VN1R1: variants seen among roughly 807,000 people sequenced by gnomAD.
The protein encoded by VN1R1 is vomeronasal 1 receptor 1.
For missense variants in VN1R1, 391 were observed against 410.3 expected (o/e 0.95, Z 0.41); for synonymous variants, 168 against 149.8 (o/e 1.12, Z -0.89).
rs2089127847 is a variant in VN1R1 at position 57,455,761 on chromosome 19, C to A, written c.726G>T (p.Met242Ile). 2 of 1,613,770 alleles carry A rather than the reference C, an allele frequency of 1.2e-6. No individual in the cohort carries two copies. The highest frequency in any genetic ancestry group is 3.3e-5 in the Admixed American group (2 of 59,986). Residue 242 changes from methionine (M) to isoleucine (I), a missense_variant, in exon 1 of 1, where the codon ATG (methionine) becomes ATT (isoleucine). Coordinates refer to ENST00000321039, the MANE Select transcript of VN1R1 (RefSeq NM_020633.4). ...GCTTGTGTCTGTAGAGGAAGAAGAC[C>A]ATGGAGCCACTGGCCCAGACCATGA... ...LGFMVWASGS[M>I]VFFLYRHKQQ...
Position 57,455,241 on chromosome 19 carries a change from TATA to T in VN1R1, c.*181_*183del, listed in dbSNP as rs2089123860. The T allele has an allele frequency of 1.6e-6, 1 of 611,434 alleles. No homozygotes were observed. The highest frequency in any genetic ancestry group is 3.1e-5 in the Admixed American group (1 of 32,670). The allele number at this position is 611,434 out of a possible 1,614,324, so 37.9% of individuals were successfully genotyped here. A position where few individuals can be genotyped will look rare whatever the true frequency, so the allele number is the denominator to read the frequency against. ...ACTTGTCTGAAGGACTTAACACAGT[TATA>T]TAGAGTGTTCTTTGTGTAACAGTAT... On this transcript the variant is annotated 3_prime_UTR_variant, in exon 1 of 1. Transcript: ENST00000321039.
In VN1R1 at chr19:57,456,164, G is replaced by A; in HGVS notation, c.323C>T (p.Ala108Val). The change falls in exon 1 of 1, where the codon GCA (alanine) becomes GTA (valine). Residue 108 changes from alanine to valine, a missense_variant. Coordinates refer to ENST00000321039, the MANE Select transcript of VN1R1 (RefSeq NM_020633.4). ...LFFKGIPQTM[A>V]AFGLKYLLND... Reference sequence around the variant, plus strand: ...CAGCAAATATTTCAATCCAAAAGCTGCCATTGTCTGAGGTATCCCTTTAAA... The same window carrying A: ...CAGCAAATATTTCAATCCAAAAGCTACCATTGTCTGAGGTATCCCTTTAAA... The A allele has an allele frequency of 1.2e-6, 2 of 1,614,196 alleles. No individual in the cohort carries two copies. The highest frequency in any genetic ancestry group is 1.7e-6 in the Non-Finnish European group (2 of 1,180,036).
In VN1R1 at chr19:57,455,887, A is replaced by G. The variant is rs147504105; in HGVS notation, c.600T>C (p.Ser200=). Residue 200 remains serine, a synonymous_variant, in exon 1 of 1, where the codon AGT becomes AGC. Coordinates refer to ENST00000321039, the MANE Select transcript of VN1R1 (RefSeq NM_020633.4). ...VNGPLNSKNS[S]AKNNYGYCSY... Reference sequence around the variant, plus strand: ...AACAGTATCCATAATTGTTTTTTGCACTACTGTTTTTGCTATTCAGTGGGC... The same window carrying G: ...AACAGTATCCATAATTGTTTTTTGCGCTACTGTTTTTGCTATTCAGTGGGC... 5.6e-6 allele frequency: 9 copies of G among 1,614,084 alleles called. No individual in the cohort carries two copies. Among genetic ancestry groups the G allele is most frequent in the Middle Eastern group, 1.6e-4 (1 of 6,084 alleles).
In VN1R1 at chr19:57,455,550, C is replaced by G; in HGVS notation, c.937G>C (p.Val313Leu). Residue 313 changes from valine to leucine, a missense_variant, in exon 1 of 1, where the codon GTC becomes CTC. Coordinates refer to ENST00000321039, the MANE Select transcript of VN1R1 (RefSeq NM_020633.4). ...GQWIVTNSVL[V>L]ASCFPARSPF... is the part of the protein sequence containing the mutation. ...CTGCGTGCTGGGAAACATGAGGCGA[C>G]CAACACAGAGTTGGTCACTATCCAC... 6.2e-7 allele frequency: 1 copy of G among 1,614,130 alleles called. No homozygotes were observed. The highest frequency in any genetic ancestry group is 8.5e-7 in the Non-Finnish European group (1 of 1,180,036).
At position 57,455,498 on chromosome 19, in the gene VN1R1, G is replaced by T. The variant is rs1014075344; in HGVS notation, c.989C>A (p.Thr330Asn). The change falls in exon 1 of 1, where the codon ACT becomes AAT. Residue 330 changes from threonine (T) to asparagine (N), a missense_variant. Thr to Asn is a moderately conservative substitution (Grantham distance 65). Transcript: ENST00000321039. ...GGCAAAACAGAACTGAGAGATATGA[G>T]TATCACTCATGATGAGGACAAAAGG... The part of the protein sequence containing the change: ...RSPFVLIMSD[T>N]HISQFCFACR... 2.5e-6 allele frequency: 4 copies of T among 1,613,764 alleles called. No individual in the cohort carries two copies. The highest frequency in any genetic ancestry group is 3.4e-6 in the Non-Finnish European group (4 of 1,179,836).
In VN1R1 at chr19:57,455,249, G is replaced by A. The variant is rs2089123876; in HGVS notation, c.*176C>T. 6 of 625,412 alleles carry A rather than the reference G, an allele frequency of 9.6e-6. No homozygotes were observed. In the Admixed American group the frequency reaches 1.2e-4, roughly 13 times the overall value. 38.7% of individuals were successfully genotyped at this position (625,412 alleles called of 1,614,324 possible). A position where few individuals can be genotyped will look rare whatever the true frequency, so the allele number is the denominator to read the frequency against. ...GAAGGACTTAACACAGTTATATAGA[G>A]TGTTCTTTGTGTAACAGTATCCATG... On this transcript the variant is annotated 3_prime_UTR_variant, in exon 1 of 1. Coordinates refer to ENST00000321039, the MANE Select transcript of VN1R1 (RefSeq NM_020633.4).
chr19:57,455,509 G>C lies in VN1R1; in HGVS notation c.978C>G (p.Ile326Met), dbSNP rs1442373958. The C allele has an allele frequency of 1.3e-5, 21 of 1,614,162 alleles. No individual in the cohort carries two copies. The highest frequency in any genetic ancestry group is 1.8e-5 in the Non-Finnish European group (21 of 1,180,022). The change falls in exon 1 of 1, where the codon ATC becomes ATG. Residue 326 changes from isoleucine to methionine, a missense_variant. Ile to Met is a conservative substitution (Grantham distance 10). Transcript: ENST00000321039. ...CFPARSPFVL[I>M]MSDTHISQFC... ...ACTGAGAGATATGAGTATCACTCAT[G>C]ATGAGGACAAAAGGGCTGCGTGCTG...
Position 57,455,690 on chromosome 19 carries a change from G to A in VN1R1, c.797C>T (p.Ser266Phe), listed in dbSNP as rs780624863. 6.2e-7 allele frequency: 1 copy of A among 1,614,180 alleles called. No homozygotes were observed. The highest frequency in any genetic ancestry group is 1.1e-5 in the South Asian group (1 of 91,082). ...NHSNRLSCRP[S>F]QEARATHTIM... ...GGTGTGTGTGGCTCTGGCTTCCTGG[G>A]AAGGTCTGCAGGAGAGTCTGTTGCT... The change falls in exon 1 of 1, where the codon TCC becomes TTC. Residue 266 changes from serine (S) to phenylalanine (F), a missense_variant. Transcript: ENST00000321039.
Position 57,456,775 on chromosome 19 carries a change from C to A in VN1R1, c.-289G>T. On this transcript the variant is annotated 5_prime_UTR_variant, in exon 1 of 1. Transcript: ENST00000321039. ...GGAACCCTGGGTAATATGGACAGGG[C>A]TTTTTCTGTATTATTTCTTATGACT... is the stretch of plus-strand genomic sequence containing the variant. The A allele has an allele frequency of 3.5e-6, 1 of 283,286 alleles. No individual in the cohort carries two copies. Among genetic ancestry groups the A allele is most frequent in the Non-Finnish European group, 6.5e-6 (1 of 153,412 alleles). The allele number at this position is 283,286 out of a possible 1,614,324, so 17.5% of individuals were successfully genotyped here. A position where few individuals can be genotyped will look rare whatever the true frequency, so the allele number is the denominator to read the frequency against.
chr19:57,456,264 A>T lies in VN1R1; in HGVS notation c.223T>A (p.Phe75Ile). ...GTGGGTCTCAGCTTGTGTCCAGTGA[A>T]CAAAATTAAGTTATAAAAACAAAGG... Reference protein sequence around the residue: ...FLLCFYNLILFTGHKLRPTDL... With the variant: ...FLLCFYNLILITGHKLRPTDL... The change falls in exon 1 of 1, where the codon TTC (phenylalanine) becomes ATC (isoleucine). Residue 75 changes from phenylalanine to isoleucine, a missense_variant. Phe to Ile is a conservative substitution (Grantham distance 21). Transcript: ENST00000321039. 1 of 1,613,714 alleles carries T rather than the reference A, an allele frequency of 6.2e-7. No individual in the cohort carries two copies. Among genetic ancestry groups the T allele is most frequent in the Non-Finnish European group, 8.5e-7 (1 of 1,179,934 alleles).
rs771078335 is a variant in VN1R1, at chr19:57,455,856, T to C, written c.631A>G (p.Lys211Glu). 1.9e-6 allele frequency: 3 copies of C among 1,614,226 alleles called. No individual in the cohort carries two copies. The highest frequency in any genetic ancestry group is 2.2e-5 in the South Asian group (2 of 91,086). ...AATGAGCTAAATCTCTTTGATGCTT[T>C]GTAAGAACAGTATCCATAATTGTTT... ...AKNNYGYCSY[K>E]ASKRFSSLHA... Residue 211 changes from lysine (K) to glutamate (E), a missense_variant, in exon 1 of 1, where the codon AAA becomes GAA. Transcript: ENST00000321039.
chr19:57,455,935 T>A lies in VN1R1; in HGVS notation c.552A>T (p.Ala184=), dbSNP rs1424641503. ...LCWAPHVLMN[A]SVLLLVNGPL... is the part of the protein sequence containing the mutation. The stretch of plus-strand genomic sequence containing the variant: ...GGCCATTCACTAATAGAAGAACAGA[T>A]GCATTCATCAAGACATGGGGGGCCC... Residue 184 remains alanine, a synonymous_variant, in exon 1 of 1, where the codon GCA becomes GCT. Coordinates refer to ENST00000321039, the MANE Select transcript of VN1R1 (RefSeq NM_020633.4). 3 of 1,614,114 alleles carry A rather than the reference T, an allele frequency of 1.9e-6. No individual in the cohort carries two copies. The highest frequency in any genetic ancestry group is 2.5e-6 in the Non-Finnish European group (3 of 1,180,050).
chr19:57,455,273 T>C lies in VN1R1; in HGVS notation c.*152A>G. 1.4e-6 allele frequency: 1 copy of C among 700,570 alleles called. No homozygotes were observed. The highest frequency in any genetic ancestry group is 2.3e-6 in the Non-Finnish European group (1 of 427,778). 43.4% of individuals were successfully genotyped at this position (700,570 alleles called of 1,614,324 possible). On this transcript the variant is annotated 3_prime_UTR_variant, in exon 1 of 1. Transcript: ENST00000321039. ...AGTGTTCTTTGTGTAACAGTATCCA[T>C]GACTTTCATTTTTAGCTCTGGTATT...
Position 57,456,802 on chromosome 19 carries a change from CTT to C in VN1R1, c.-318_-317del. On this transcript the variant is annotated 5_prime_UTR_variant, in exon 1 of 1. It introduces an in-frame stop codon into an upstream open reading frame of the 5' UTR. Transcript: ENST00000321039. Reference sequence around the variant, plus strand: ...TTTTCTGTATTATTTCTTATGACTGCTTGTGAGTCTACACTTATTTCAATAAA... The same window carrying C: ...TTTTCTGTATTATTTCTTATGACTGCGTGAGTCTACACTTATTTCAATAAA... 4.2e-6 allele frequency: 1 copy of C among 235,418 alleles called. No homozygotes were observed. Among genetic ancestry groups the C allele is most frequent in the South Asian group, 1.6e-4 (1 of 6,208 alleles). 14.6% of individuals were successfully genotyped at this position (235,418 alleles called of 1,614,324 possible).
rs2089124612 is a variant in VN1R1, at chr19:57,455,411, T to G, written c.*14A>C. The G allele has an allele frequency of 3.8e-6, 6 of 1,587,392 alleles. No homozygotes were observed. The highest frequency in any genetic ancestry group is 1.4e-5 in the African/African-American group (1 of 73,388). ...AGTTATGATAAATAGCTGAATTCCA[T>G]GAAGAGAAAAGACTCATGGCATGAC... On this transcript the variant is annotated 3_prime_UTR_variant, in exon 1 of 1. Coordinates refer to ENST00000321039, the MANE Select transcript of VN1R1 (RefSeq NM_020633.4).
In VN1R1 at chr19:57,456,396, C is replaced by T. The variant is rs2089132680; in HGVS notation, c.91G>A (p.Glu31Lys). 1 of 1,613,394 alleles carries T rather than the reference C, an allele frequency of 6.2e-7. No individual in the cohort carries two copies. Among genetic ancestry groups the T allele is most frequent in the Non-Finnish European group, 8.5e-7 (1 of 1,179,472 alleles). The change falls in exon 1 of 1, where the codon GAA becomes AAA. Residue 31 changes from glutamate (E) to lysine (K), a missense_variant. Physicochemically the swap from Glu to Lys is moderately conservative, Grantham distance 56. Coordinates refer to ENST00000321039, the MANE Select transcript of VN1R1 (RefSeq NM_020633.4). ...FYSTDSSDLN[E>K]NQHPLDFDEM... ...TCAAAATCTAGGGGATGTTGATTTT[C>T]ATTGAGGTCTGAAGAATCAGTAGAA...
At position 57,455,514 on chromosome 19, in the gene VN1R1, G is replaced by A; in HGVS notation, c.973C>T (p.Leu325Phe). The A allele has an allele frequency of 6.2e-7, 1 of 1,614,074 alleles. No individual in the cohort carries two copies. The highest frequency in any genetic ancestry group is 8.5e-7 in the Non-Finnish European group (1 of 1,179,974). ...SCFPARSPFV[L>F]IMSDTHISQF... ...GAGATATGAGTATCACTCATGATGA[G>A]GACAAAAGGGCTGCGTGCTGGGAAA... Residue 325 changes from leucine to phenylalanine, a missense_variant, in exon 1 of 1, where the codon CTC becomes TTC. Physicochemically the swap from Leu to Phe is conservative, Grantham distance 22 (BLOSUM62 0). Transcript: ENST00000321039.
chr19:57,456,436 G>T lies in VN1R1; in HGVS notation c.51C>A (p.Phe17Leu). The change falls in exon 1 of 1, where the codon TTC becomes TTA. Residue 17 changes from phenylalanine to leucine, a missense_variant. Physicochemically the swap from Phe to Leu is conservative, Grantham distance 22. Coordinates refer to ENST00000321039, the MANE Select transcript of VN1R1 (RefSeq NM_020633.4). ...KLLSPLMTRYFFLLFYSTDSS... is the reference protein window; with the variant it reads ...KLLSPLMTRYLFLLFYSTDSS... ...AATCAGTAGAATAAAAAAGCAGAAA[G>T]AAGTATCTTGTCATCAGTGGAGACA... The T allele has an allele frequency of 2.5e-6, 4 of 1,602,094 alleles. No individual in the cohort carries two copies. The highest frequency in any genetic ancestry group is 3.4e-6 in the Non-Finnish European group (4 of 1,171,534).
Position 57,455,308 on chromosome 19 carries a change from TG to T in VN1R1, c.*116del. ...TTTTAGCTCTGGTATTAGATCTTCC[TG>T]GACAAGAGCATTACTGGCCATGTGT... On this transcript the variant is annotated 3_prime_UTR_variant, in exon 1 of 1. Transcript: ENST00000321039. The T allele has an allele frequency of 1.0e-6, 1 of 952,582 alleles. No homozygotes were observed. The highest frequency in any genetic ancestry group is 1.5e-6 in the Non-Finnish European group (1 of 645,206). The allele number at this position is 952,582 out of a possible 1,614,324, so 59.0% of individuals were successfully genotyped here.
Sources: gnomAD v4.1 joint callset for allele counts on GRCh38, gnomAD v4.1.1 for gene constraint, MANE v1.5 for transcripts, NCBI Gene and HGNC (gene_info 2026-07-23, HGNC 2026-07-21) for gene names.